Variants in CDH13 observed in about 807,000 individuals in gnomAD.
CDH13 encodes cadherin-13.
In CDH13, 24 loss-of-function variants were observed where a neutral mutation model predicts 63.8. The ratio of observed to expected loss-of-function variants is 0.38; its 90% CI spans 0.27 to 0.53. The LOEUF is 0.53. Among genes scored for constraint, CDH13 ranks in the 20% least tolerant of loss-of-function variants. CDH13 has a pLI of 0.85. For missense variants in CDH13, 1,049 were observed against 903.1 expected (o/e 1.16, Z -2.07); for synonymous variants, 503 against 355.3 (o/e 1.42, Z -4.67).
chr16:82,968,588 C>G (rs190378743), intron 2 of CDH13, among the ~76,000 whole-genome samples: 2 of 152,084 alleles, frequency 1.3e-5, no homozygotes, highest in African/African-American at 4.8e-5. Context: ...CAGTGTAATT[C>G]CCTCCACTAT....
intron 6 of CDH13, among the ~76,000 whole-genome samples, chr16:83,380,207 T>C (rs1388429237): frequency 6.6e-6 from 1 of 152,164 alleles, no homozygotes; most frequent in Non-Finnish European, 1.5e-5. Context: ...TTATCTGTAA[T>C]ATTTTATTTC....
chr16:83,114,714 T>C (rs1040395379), intron 3 of CDH13, among the ~76,000 whole-genome samples: 5 of 152,232 alleles, frequency 3.3e-5, no homozygotes, highest in Admixed American at 6.5e-5. Flanking sequence ...TTAAATTTGC[T>C]GCAGAAAGTT....
chr16:83,588,954 C>T (rs1204642088), intron 7 of CDH13, among the ~76,000 whole-genome samples: 6 of 152,122 alleles, frequency 3.9e-5, no homozygotes, highest in East Asian at 1.9e-4. Flanking sequence ...AAGGTGTACT[C>T]GTTTCCTGTG....
intron 5 of CDH13, among the ~76,000 whole-genome samples, chr16:83,251,276 G>A (rs1292408012): frequency 6.6e-6 from 1 of 152,170 alleles, no homozygotes; most frequent in Non-Finnish European, 1.5e-5. Context: ...AGTGTAATGA[G>A]AGAAAAAGCT....
chr16:83,332,725 G>A (rs983874261), intron 5 of CDH13, among the ~76,000 whole-genome samples: 1 of 152,058 alleles, frequency 6.6e-6, no homozygotes, highest in Non-Finnish European at 1.5e-5. Flanking sequence ...GTCACCTCTT[G>A]AGGCAGAGGA....
At chr16:83,704,231 C>T (rs558684605) in intron 10 of CDH13, among the ~76,000 whole-genome samples, 1 of 152,282 alleles carries the variant, frequency 6.6e-6, no homozygotes, top group South Asian at 2.1e-4. Flanking sequence ...TCAATGTCTT[C>T]TCTTAGGTGG....
chr16:83,436,435 C>T (rs1358724101), intron 6 of CDH13, among the ~76,000 whole-genome samples: 3 of 151,796 alleles, frequency 2.0e-5, no homozygotes, highest in East Asian at 1.9e-4. Flanking sequence ...GGTACCAGTG[C>T]CTCAAGCCTG....
chr16:83,076,589 C>T (rs1344356925), intron 3 of CDH13, among the ~76,000 whole-genome samples: 1 of 152,110 alleles, frequency 6.6e-6, no homozygotes, highest in Non-Finnish European at 1.5e-5. Flanking sequence ...CTACAGTTTA[C>T]ATTTGACATT....
intron 2 of CDH13, among the ~76,000 whole-genome samples, chr16:82,994,526 G>A (rs1330397087): frequency 6.6e-6 from 1 of 152,126 alleles, no homozygotes; most frequent in South Asian, 2.1e-4. Context: ...CTCAGCTAAT[G>A]GCCCCTTTGG....
chr16:83,786,017 A>G (rs1597231005), intron 13 of CDH13, among the ~76,000 whole-genome samples: 1 of 152,274 alleles, frequency 6.6e-6, no homozygotes, highest in East Asian at 1.9e-4. Flanking sequence ...ACAAGTGTGA[A>G]GATGTTTGCT....
intron 2 of CDH13, among the ~76,000 whole-genome samples, chr16:82,908,983 T>G (rs574063911): frequency 6.6e-6 from 1 of 152,298 alleles, no homozygotes; most frequent in South Asian, 2.1e-4. Context: ...CTGTGGGGCT[T>G]GAGTATGCAT....
intron 6 of CDH13, among the ~76,000 whole-genome samples, chr16:83,475,241 G>A (rs1333976889): frequency 6.6e-6 from 1 of 152,228 alleles, no homozygotes; most frequent in African/African-American, 2.4e-5. Flanking sequence ...ACCTGCTCTT[G>A]AGCTTGCCTT....
intron 10 of CDH13, among the ~76,000 whole-genome samples, chr16:83,688,059 T>G (rs773262934): frequency 6.6e-6 from 1 of 152,208 alleles, no homozygotes; most frequent in Non-Finnish European, 1.5e-5. Flanking sequence ...CATAGAATAA[T>G]GATATTTCAG....
intron 1 of CDH13, among the ~76,000 whole-genome samples, chr16:82,841,167 C>T (rs1376400188): frequency 6.6e-6 from 1 of 152,166 alleles, no homozygotes; most frequent in Non-Finnish European, 1.5e-5. Flanking sequence ...ACTCCAAGCT[C>T]AAAGCTGTCC....
intron 4 of CDH13, among the ~76,000 whole-genome samples, chr16:83,139,723 G>C (rs1034329750): frequency 1.2e-4 from 19 of 152,158 alleles, no homozygotes; most frequent in South Asian, 8.3e-4. Flanking sequence ...AAAATATCCG[G>C]CCAGGCGCAG....
intron 4 of CDH13, among the ~76,000 whole-genome samples, chr16:83,167,730 C>T (rs1378693782): frequency 6.6e-6 from 1 of 151,360 alleles, no homozygotes; most frequent in Non-Finnish European, 1.5e-5. Flanking sequence ...ATTATTCTCC[C>T]TCCTTCTGGT....
At chr16:83,014,093 A>T (rs1294638135) in intron 2 of CDH13, among the ~76,000 whole-genome samples, 1 of 144,838 alleles carries the variant, frequency 6.9e-6, no homozygotes, top group Non-Finnish European at 1.6e-5. Context: ...AAGAACAAGT[A>T]ATGACAAGTT....
chr16:83,207,762 T>TA (rs57095409), intron 4 of CDH13, among the ~76,000 whole-genome samples: 2,043 of 124,768 alleles, frequency 0.016, 28 homozygotes, highest in African/African-American at 0.043. Context: ...ATACTCTCCT[T>TA]AAAAAAAAAA....
intron 1 of CDH13, among the ~76,000 whole-genome samples, chr16:82,706,110 C>CT (rs1210740638): frequency 2.0e-5 from 3 of 152,026 alleles, no homozygotes; most frequent in Non-Finnish European, 4.4e-5. Flanking sequence ...CTTCCTCACT[C>CT]CTCCCTTCTC....
Sources: allele counts gnomAD v4.1 joint callset (sites outside exome capture counted in the v4.1 genomes callset), GRCh38; gene constraint gnomAD v4.1.1; transcripts MANE v1.5; gene names NCBI Gene and HGNC (gene_info 2026-07-23, HGNC 2026-07-21).